The following PFKFB2 variants were observed in gnomAD, a reference collection of about 807,000 sequenced individuals.
PFKFB2 encodes the protein 6-phosphofructo-2-kinase/fructose-2,6-bisphosphatase 2.
Under a neutral mutation model 68.0 loss-of-function variants are expected in PFKFB2, and 53 were observed. That is an observed-to-expected ratio of 0.78 (90% confidence interval 0.63 to 0.98). The LOEUF (loss-of-function observed/expected upper bound fraction) is 0.98. PFKFB2 is among the 50% of genes least tolerant of loss of function. The probability of loss-of-function intolerance (pLI) is 0.00; values close to 1 mark genes in which losing one functional copy is unlikely to be tolerated. For synonymous variants in PFKFB2, 222 were observed against 227.6 expected (o/e 0.98, Z 0.22); for missense variants, 451 against 642.0 (o/e 0.70, Z 3.22).
chr1:207,035,336 T>A, intron 1 of PFKFB2: 1 of 274,986 alleles, frequency 3.6e-6, no homozygotes, highest in Non-Finnish European at 5.5e-6. Flanking sequence ...TATAAAGGAA[T>A]ACCTGAGACC....
At chr1:207,080,295 A>G (rs1466120748), downstream of PFKFB2, 4 of 152,180 alleles carry the variant, frequency 2.6e-5, no homozygotes, top group East Asian at 7.7e-4. Context: ...TCAAATGCTC[A>G]CTTGCTGGGC....
In PFKFB2 at chr1:207,063,550, C is replaced by G; in HGVS notation, c.450+129C>G. ...TCTGAATCTCTTCTCTCAGAGCATT[C>G]CCCCAGTCCTTGAGTGTTTTCATTC... On this transcript the variant is annotated intron_variant, in intron 6 of 14. Transcript: ENST00000367080. The surrounding 1 kb of genome is among the most constrained non-coding windows in gnomAD (Gnocchi z 4.1). The G allele has an allele frequency of 1.3e-6, 1 of 761,530 alleles. No homozygotes were observed. Among genetic ancestry groups the G allele is most frequent in the Non-Finnish European group, 2.3e-6 (1 of 431,642 alleles). The allele number at this position is 761,530 out of a possible 1,614,324, so 47.2% of individuals were successfully genotyped here. A position where few individuals can be genotyped will look rare whatever the true frequency, so the allele number is the denominator to read the frequency against.
chr1:207,052,123 A>G, upstream of PFKFB2: 1 of 1,476,094 alleles, frequency 6.8e-7, no homozygotes, highest in Admixed American at 1.7e-5. Context: ...TGGGTTTATC[A>G]AGCATCAAAC....
chr1:207,065,881 C>T (rs1380721004), intron 8 of PFKFB2, among the ~76,000 whole-genome samples: 2 of 152,158 alleles, frequency 1.3e-5, no homozygotes, highest in African/African-American at 4.8e-5. Flanking sequence ...CCGGGGGGCA[C>T]AGTTATCCCT....
At chr1:207,049,787 G>GC, upstream of PFKFB2, 1 of 1,451,260 alleles carries the variant, frequency 6.9e-7, no homozygotes, top group Non-Finnish European at 9.3e-7. Flanking sequence ...GTGTTCTCTA[G>GC]CCAAGTCTGT....
chr1:207,072,634 A>G lies in PFKFB2; in HGVS notation c.*263A>G, dbSNP rs908016371. The G allele has an allele frequency of 2.2e-5, 27 of 1,229,234 alleles. No homozygotes were observed. The highest frequency in any genetic ancestry group is 2.8e-5 in the Non-Finnish European group (27 of 981,548). The allele number at this position is 1,229,234 out of a possible 1,614,324, so 76.1% of individuals were successfully genotyped here. A position where few individuals can be genotyped will look rare whatever the true frequency, so the allele number is the denominator to read the frequency against. The stretch of plus-strand genomic sequence containing the variant: ...TTAGGACAGATTCTCAGATGGGATG[A>G]TCTGGAGGAGGAGGAAAAAGATACA... On this transcript the variant is annotated 3_prime_UTR_variant, in exon 15 of 15. Transcript: ENST00000367080.
Position 207,076,065 on chromosome 1 carries a change from T to C in PFKFB2, c.*3694T>C. The C allele has an allele frequency of 1.0e-6, 1 of 985,432 alleles. No individual in the cohort carries two copies. Among genetic ancestry groups the C allele is most frequent in the Non-Finnish European group, 1.2e-6 (1 of 829,936 alleles). 61.0% of individuals were successfully genotyped at this position (985,432 alleles called of 1,614,324 possible). On this transcript the variant is annotated 3_prime_UTR_variant, in exon 15 of 15. Coordinates refer to ENST00000367080, the MANE Select transcript of PFKFB2 (RefSeq NM_006212.2). ...CGTTGTTGTTGTTATTGTTTGTTTG[T>C]TTCCAAAGAAGTTGGAGTTAAGGAC...
chr1:207,064,179 G>C (rs1465198449), intron 7 of PFKFB2, among the ~76,000 whole-genome samples: 1 of 152,108 alleles, frequency 6.6e-6, no homozygotes, highest in Non-Finnish European at 1.5e-5. Context: ...GGGCACGGTG[G>C]CTCATGCTTG....
In PFKFB2 at chr1:207,063,008, A is replaced by C; in HGVS notation, c.309-135A>C. On this transcript the variant is annotated intron_variant, in intron 4 of 14. Coordinates refer to ENST00000367080, the MANE Select transcript of PFKFB2 (RefSeq NM_006212.2). This position sits in a 1 kb window ranked among gnomAD's most constrained non-coding sequence, Gnocchi z 4.1. ...AAACCCTCAGTGAGAAAGTTGAAAG[A>C]TCTAGTTAGAGAAAGGTTTTGAACA... 1.3e-6 allele frequency: 1 copy of C among 780,430 alleles called. No individual in the cohort carries two copies. The highest frequency in any genetic ancestry group is 2.2e-6 in the Non-Finnish European group (1 of 451,662). 48.3% of individuals were successfully genotyped at this position (780,430 alleles called of 1,614,324 possible). A position where few individuals can be genotyped will look rare whatever the true frequency, so the allele number is the denominator to read the frequency against.
At chr1:207,040,998 G>A (rs1260969753) in intron 1 of PFKFB2, among the ~76,000 whole-genome samples, 4 of 141,564 alleles carry the variant, frequency 2.8e-5, no homozygotes, top group Non-Finnish European at 4.5e-5. Flanking sequence ...GCGCTATCTC[G>A]GCTCACTGCA....
Position 207,074,125 on chromosome 1 carries a change from A to C in PFKFB2, c.*1754A>C, listed in dbSNP as rs1461455474. The C allele has an allele frequency of 1.1e-6, 1 of 923,724 alleles. No homozygotes were observed. The highest frequency in any genetic ancestry group is 1.3e-6 in the Non-Finnish European group (1 of 784,436). 57.2% of individuals were successfully genotyped at this position (923,724 alleles called of 1,614,324 possible). On this transcript the variant is annotated 3_prime_UTR_variant, in exon 15 of 15. Coordinates refer to ENST00000367080, the MANE Select transcript of PFKFB2 (RefSeq NM_006212.2). ...CTGGGTCTGGACATGCATGTATTTA[A>C]GTAGCTTCCCGGATGATTCTGATTC...
Position 207,063,751 on chromosome 1 carries a change from A to T in PFKFB2, c.451-22A>T, listed in dbSNP as rs114463741. On this transcript the variant is annotated intron_variant, in intron 6 of 14. Coordinates refer to ENST00000367080, the MANE Select transcript of PFKFB2 (RefSeq NM_006212.2). This position sits in a 1 kb window ranked among gnomAD's most constrained non-coding sequence, Gnocchi z 4.1. ...GCCTGGCATTTTTGACTTGCTTATC[A>T]CTGCCTTCTCTCCATGGCCAGGTAT... 5.5e-3 allele frequency: 8,797 copies of T among 1,609,150 alleles called. 38 individuals are homozygous for T. The highest frequency in any genetic ancestry group is 0.014 in the Middle Eastern group (84 of 6,054).
upstream of PFKFB2, chr1:207,049,297 T>C (rs1031525232): frequency 5.6e-6 from 9 of 1,613,970 alleles, no homozygotes; most frequent in Non-Finnish European, 7.6e-6. Flanking sequence ...CAGAACCCTT[T>C]TGGTATATCC....
intron 2 of PFKFB2, chr1:207,045,802 T>C (rs1682586654): frequency 6.6e-6 from 1 of 151,986 alleles, no homozygotes; most frequent in Non-Finnish European, 1.5e-5. Flanking sequence ...AACATAATGT[T>C]AGTTAATTCC....
intron 2 of PFKFB2, chr1:207,047,519 A>G (rs1414315329): frequency 1.3e-5 from 2 of 152,652 alleles, no homozygotes; most frequent in African/African-American, 4.8e-5. Flanking sequence ...TGAGATACTT[A>G]ATAAAAAAGA....
chr1:207,059,905 C>A (rs1683035902), intron 2 of PFKFB2, among the ~76,000 whole-genome samples: 1 of 152,196 alleles, frequency 6.6e-6, no homozygotes, highest in Non-Finnish European at 1.5e-5. Context: ...TCCCTTAGTA[C>A]CAGGCAGAGG....
chr1:207,070,405 CG>C lies in PFKFB2; in HGVS notation c.1219del (p.Ala407GlnfsTer7). On this transcript the variant is annotated frameshift_variant, in exon 12 of 15. Transcript: ENST00000367080. LOFTEE classifies it high-confidence loss of function. This position sits in a 1 kb window ranked among gnomAD's most constrained non-coding sequence, Gnocchi z 4.2. ...CLLAYFLDKG[A>X]DELPYLRCPL... Reference sequence around the variant, plus strand: ...TCCTGGCCTACTTCTTGGATAAGGGCGCAGGTGCCTTTGAGGGAGGGGCTGG... The same window carrying C: ...TCCTGGCCTACTTCTTGGATAAGGGCCAGGTGCCTTTGAGGGAGGGGCTGG... 1 of 1,613,618 alleles carries C rather than the reference CG, an allele frequency of 6.2e-7. No homozygotes were observed. The highest frequency in any genetic ancestry group is 8.5e-7 in the Non-Finnish European group (1 of 1,179,852).
At position 207,071,196 on chromosome 1, in the gene PFKFB2, C is replaced by T. The variant is rs770905601; in HGVS notation, c.1231C>T (p.Pro411Ser). Residue 411 changes from proline (P) to serine (S), a missense_variant, in exon 13 of 15, where the codon CCA becomes TCA. Transcript: ENST00000367080. ...GGTCTTTCTGTTTTCAGATGAGCTACCATACTTGAGATGCCCTCTCCATAC... is the reference window on the plus strand; with the variant it reads ...GGTCTTTCTGTTTTCAGATGAGCTATCATACTTGAGATGCCCTCTCCATAC... ...YFLDKGADELPYLRCPLHTIF... is the reference protein window; with the variant it reads ...YFLDKGADELSYLRCPLHTIF... The T allele has an allele frequency of 1.2e-6, 2 of 1,613,558 alleles. No homozygotes were observed.
At chr1:207,059,783 C>T (rs548434100) in intron 2 of PFKFB2, among the ~76,000 whole-genome samples, 151 of 152,306 alleles carry the variant, frequency 9.9e-4, no homozygotes, top group Non-Finnish European at 1.6e-3. Flanking sequence ...ACCTGGGCCC[C>T]TCCTCCCACT....
Sources: allele counts gnomAD v4.1 joint callset (sites outside exome capture counted in the v4.1 genomes callset), GRCh38; gene constraint gnomAD v4.1.1; non-coding constraint Gnocchi (gnomAD v3.1); transcripts MANE v1.5; gene names NCBI Gene and HGNC (gene_info 2026-07-23, HGNC 2026-07-21).